CLMN: variants seen among roughly 807,000 people sequenced by gnomAD.
CLMN encodes the protein calmin (calponin-like, transmembrane).
A neutral mutation model predicts 92.7 loss-of-function variants in CLMN; 57 were observed. The observed-to-expected ratio is 0.61, with a 90% CI of 0.50 to 0.77. The LOEUF (loss-of-function observed/expected upper bound fraction) is 0.77, where lower values mean the gene tolerates loss of function less well. Among genes scored for constraint, CLMN ranks in the 30% least tolerant of loss-of-function variants. CLMN has a pLI of 0.00. For missense variants in CLMN, 1,158 were observed against 1,237.5 expected, an observed-to-expected ratio of 0.94 and a Z score of 0.96; for synonymous variants, 466 against 470.6, an observed-to-expected ratio of 0.99 and a Z score of 0.13.
chr14:95,287,127 T>A (rs1595096892), intron 1 of CLMN, among the ~76,000 whole-genome samples: 1 of 152,194 alleles, frequency 6.6e-6, no homozygotes, highest in African/African-American at 2.4e-5. Context: ...TCCTGTGAAT[T>A]TGCACAGAGG....
intron 1 of CLMN, among the ~76,000 whole-genome samples, chr14:95,280,502 A>C (rs537784496): frequency 9.2e-5 from 14 of 152,308 alleles, no homozygotes; most frequent in Non-Finnish European, 1.5e-4. Flanking sequence ...TTGCTTGTTT[A>C]AAATCTTTGA....
rs1296762626 is a variant in CLMN at position 95,183,891 on chromosome 14, G to T, written c.*7673C>A. The T allele has an allele frequency of 6.6e-6, 1 of 152,184 alleles. No homozygotes were observed. The highest frequency in any genetic ancestry group is 2.4e-5 in the African/African-American group (1 of 41,436). The allele number at this position is 152,184 out of a possible 1,614,324, so 9.4% of individuals were successfully genotyped here. A position where few individuals can be genotyped will look rare whatever the true frequency, so the allele number is the denominator to read the frequency against. On this transcript the variant is annotated 3_prime_UTR_variant, in exon 13 of 13. Coordinates refer to ENST00000298912, the MANE Select transcript of CLMN (RefSeq NM_024734.4). ...CCTTTCCGAAATAAACACCTCCCAC[G>T]ATTGTTCTAAGGGTCAAGTGAGTTA...
In CLMN at chr14:95,218,605, G is replaced by A. The variant is rs534568957; in HGVS notation, c.325-2872C>T. ...AATAATGGGACAAGAAGTGACCAGC[G>A]AGGGCCCACTGAGTATTTTGTGGAT... On this transcript the variant is annotated intron_variant, in intron 4 of 12. Transcript: ENST00000298912. Among the ~76,000 whole-genome samples the A allele has an allele frequency of 4.6e-5, 7 of 152,300 alleles. No individual in the cohort carries two copies. In the East Asian group the frequency reaches 7.7e-4, roughly 17 times the overall value.
chr14:95,314,739 C>A (rs1901688603), intron 1 of CLMN, among the ~76,000 whole-genome samples: 1 of 152,186 alleles, frequency 6.6e-6, no homozygotes, highest in African/African-American at 2.4e-5. Context: ...ATGGAGCTGG[C>A]ACTAGAACAC....
At chr14:95,227,873 T>G (rs1290786570) in intron 2 of CLMN, among the ~76,000 whole-genome samples, 1 of 152,244 alleles carries the variant, frequency 6.6e-6, no homozygotes, top group Non-Finnish European at 1.5e-5. Context: ...TAAGCCCAAT[T>G]CACCAAGGAG....
chr14:95,318,193 G>A (rs1033805131), intron 1 of CLMN, among the ~76,000 whole-genome samples: 4 of 152,190 alleles, frequency 2.6e-5, no homozygotes, highest in African/African-American at 9.7e-5. Context: ...GCCTAAGACA[G>A]ACAGGTACAC....
At chr14:95,230,169 AG>A in intron 1 of CLMN, 36 bp from the exon 2 acceptor site, 2 of 1,597,474 alleles carry the variant, frequency 1.3e-6, no homozygotes, top group Non-Finnish European at 1.7e-6. Context: ...TGGGAGAATA[AG>A]AAGTATGTGC....
chr14:95,312,370 C>T (rs192847607), intron 1 of CLMN, among the ~76,000 whole-genome samples: 10 of 152,272 alleles, frequency 6.6e-5, no homozygotes, highest in East Asian at 1.9e-4. Flanking sequence ...AGATTTAAAA[C>T]GTACCCCAGG....
At position 95,319,739 on chromosome 14, in the gene CLMN, A is replaced by C. The variant is rs748472674; in HGVS notation, c.54T>G (p.Ile18Met). 2 of 1,598,102 alleles carry C rather than the reference A, an allele frequency of 1.3e-6. No homozygotes were observed. Among genetic ancestry groups the C allele is most frequent in the South Asian group, 2.2e-5 (2 of 90,680 alleles). Reference sequence around the variant, plus strand: ...GCAGGTTCTGCACTCGGATGTCGCTAATCTGCCCGATGAGCTCCTCGCGTT... The same window carrying C: ...GCAGGTTCTGCACTCGGATGTCGCTCATCTGCCCGATGAGCTCCTCGCGTT... The part of the protein sequence containing the change: ...WFQREELIGQ[I>M]SDIRVQNLQV... Residue 18 changes from isoleucine to methionine, a missense_variant, in exon 1 of 13, where the codon ATT becomes ATG. Transcript: ENST00000298912.
chr14:95,205,213 A>G (rs941004767), intron 8 of CLMN, among the ~76,000 whole-genome samples: 5 of 152,230 alleles, frequency 3.3e-5, no homozygotes, highest in Admixed American at 1.3e-4. Context: ...TGTTTGGGAA[A>G]GGGCTGTATT....
At chr14:95,240,730 C>G (rs1898214284) in intron 1 of CLMN, among the ~76,000 whole-genome samples, 1 of 152,182 alleles carries the variant, frequency 6.6e-6, no homozygotes, top group African/African-American at 2.4e-5. Flanking sequence ...CTTTATAAAG[C>G]CTCGTAATTC....
chr14:95,285,039 T>C (rs1296620939), intron 1 of CLMN, among the ~76,000 whole-genome samples: 3 of 152,122 alleles, frequency 2.0e-5, no homozygotes, highest in Non-Finnish European at 4.4e-5. Flanking sequence ...AATTGAATCA[T>C]GGGGGCCAGT....
intron 1 of CLMN, among the ~76,000 whole-genome samples, chr14:95,305,868 CA>C (rs1386699804): frequency 6.6e-6 from 1 of 152,204 alleles, no homozygotes; most frequent in Non-Finnish European, 1.5e-5. Flanking sequence ...TAGAAGCAGG[CA>C]GACAGTGGAG....
chr14:95,302,322 A>G (rs936723235), intron 1 of CLMN, among the ~76,000 whole-genome samples: 2 of 151,982 alleles, frequency 1.3e-5, no homozygotes, highest in Non-Finnish European at 1.5e-5. Context: ...AATTAAAACA[A>G]AAAAAGAGGA....
At position 95,223,871 on chromosome 14, in the gene CLMN, G is replaced by C. The variant is rs754705638; in HGVS notation, c.145-16C>G. The C allele has an allele frequency of 1.9e-6, 3 of 1,574,998 alleles. No homozygotes were observed. Among genetic ancestry groups the C allele is most frequent in the Non-Finnish European group, 2.6e-6 (3 of 1,149,088 alleles). On this transcript the variant is annotated splice_polypyrimidine_tract_variant and intron_variant, in intron 2 of 12. Transcript: ENST00000298912. ...GTGGGTTGCACTTTGAAAGAGAAGG[G>C]AAGAAAGTAGCCAATTAGCAACCTG...
In CLMN at chr14:95,194,537, G is replaced by A. The variant is rs769726195; in HGVS notation, c.2768C>T (p.Ser923Leu). 47 of 1,614,058 alleles carry A rather than the reference G, an allele frequency of 2.9e-5. No homozygotes were observed. The highest frequency in any genetic ancestry group is 3.5e-5 in the Non-Finnish European group (41 of 1,180,038). ...AAGAGAAGAAATTCACATACTAACC[G>A]ATTCCGAAGACCTATGAGTATGTCG... Reference protein sequence around the residue: ...LRRHTHRSSESDHFSYVQLRN... With the variant: ...LRRHTHRSSELDHFSYVQLRN... Residue 923 changes from serine (S) to leucine (L), a missense_variant and splice_region_variant, in exon 11 of 13, where the codon TCG (serine) becomes TTG (leucine). Transcript: ENST00000298912. This position sits in a 1 kb window ranked among gnomAD's most constrained non-coding sequence, Gnocchi z 4.0.
chr14:95,193,295 C>G, intron 12 of CLMN: 1 of 1,479,302 alleles, frequency 6.8e-7, no homozygotes, highest in Non-Finnish European at 9.1e-7. Flanking sequence ...GCCAGGCCAA[C>G]AGTTCTCCGA....
chr14:95,239,947 T>C (rs1211000236), intron 1 of CLMN, among the ~76,000 whole-genome samples: 2 of 152,230 alleles, frequency 1.3e-5, no homozygotes, highest in African/African-American at 4.8e-5. Flanking sequence ...TTTATATCTA[T>C]TTTTTACTGT....
intron 10 of CLMN, 48 bp downstream of exon 10, chr14:95,196,442 ATAACTCTC>A: frequency 6.5e-7 from 1 of 1,536,648 alleles, no homozygotes; most frequent in Non-Finnish European, 8.8e-7. Context: ...GAAACTGCAA[ATAACTCTC>A]TAACTCTCTG....
Sources: gnomAD v4.1 joint callset for allele counts (sites outside exome capture counted in the v4.1 genomes callset) on GRCh38, gnomAD v4.1.1 for gene constraint, Gnocchi (gnomAD v3.1) non-coding constraint, MANE v1.5 for transcripts, NCBI Gene and HGNC (gene_info 2026-07-23, HGNC 2026-07-21) for gene names.